STXBP5L: variants seen among roughly 807,000 people sequenced by gnomAD.
The protein encoded by STXBP5L is syntaxin binding protein 5L.
Under a neutral mutation model 144.5 loss-of-function variants are expected in STXBP5L, and 65 were observed. The observed-to-expected ratio is 0.45, with a 90% confidence interval of 0.37 to 0.55. The LOEUF is 0.55. Ranked by LOEUF, STXBP5L falls within the 20% of genes least tolerant of loss-of-function variation. The pLI is 0.00. For synonymous variants in STXBP5L, 505 were observed against 469.6 expected, an observed-to-expected ratio of 1.08 and a Z score of -0.97; for missense variants, 1,298 against 1,405.5, an observed-to-expected ratio of 0.92 and a Z score of 1.22.
At chr3:121,023,536 A>C (rs113793236) in intron 3 of STXBP5L, among the ~76,000 whole-genome samples, 3,014 of 152,266 alleles carry the variant, frequency 0.02, 52 homozygotes, top group Non-Finnish European at 0.031. Flanking sequence ...TATTGGTATA[A>C]AAATAGTTAT....
intron 19 of STXBP5L, among the ~76,000 whole-genome samples, chr3:121,313,478 C>T (rs1393280602): frequency 2.4e-5 from 2 of 81,778 alleles, no homozygotes; most frequent in African/African-American, 5.5e-5. Context: ...GGCGACTGGC[C>T]GGGCAGAGGG....
chr3:121,111,659 AGGTGTCT>A (rs1306266436), intron 5 of STXBP5L, among the ~76,000 whole-genome samples: 1 of 152,138 alleles, frequency 6.6e-6, no homozygotes, highest in African/African-American at 2.4e-5. Context: ...GTCCTAAATA[AGGTGTCT>A]GGTGACCCTT....
At chr3:121,282,465 A>G (rs2051093459) in intron 19 of STXBP5L, 3 of 699,756 alleles carry the variant, frequency 4.3e-6, no homozygotes, top group Non-Finnish European at 7.0e-6. Context: ...TTGTTTTGTT[A>G]TGGTGTGCAA....
intron 9 of STXBP5L, among the ~76,000 whole-genome samples, chr3:121,175,809 G>A (rs1456898916): frequency 2.0e-5 from 3 of 151,492 alleles, no homozygotes; most frequent in Non-Finnish European, 4.4e-5. Context: ...ACTACATGTT[G>A]TCTACAGGAA....
In STXBP5L at chr3:121,094,788, G is replaced by T. The variant is rs189778934; in HGVS notation, c.471-20137G>T. Reference sequence around the variant, plus strand: ...TCCATTTACATTGAAAGTTAATATTGTTATGTGTGAATTTGAACCTTTCAT... The same window carrying T: ...TCCATTTACATTGAAAGTTAATATTTTTATGTGTGAATTTGAACCTTTCAT... On this transcript the variant is annotated intron_variant, in intron 5 of 26. Transcript: ENST00000471454. Among the ~76,000 whole-genome samples, 8 of 151,898 alleles carry T rather than the reference G, an allele frequency of 5.3e-5. No homozygotes were observed. The East Asian group carries it at 1.4e-3, about 26-fold the overall frequency.
chr3:121,085,036 G>A (rs1247818414), intron 5 of STXBP5L, among the ~76,000 whole-genome samples: 1 of 151,824 alleles, frequency 6.6e-6, no homozygotes, highest in Non-Finnish European at 1.5e-5. Context: ...GTCTATTCAT[G>A]TTCTTTGCCC....
At chr3:121,192,192 G>A (rs1006301561) in intron 9 of STXBP5L, among the ~76,000 whole-genome samples, 9 of 152,146 alleles carry the variant, frequency 5.9e-5, no homozygotes, top group Admixed American at 5.2e-4. Context: ...CAGACAGAGA[G>A]CCAAATTATG....
At chr3:121,312,197 A>G (rs1167473812) in intron 19 of STXBP5L, among the ~76,000 whole-genome samples, 1 of 152,074 alleles carries the variant, frequency 6.6e-6, no homozygotes, top group Admixed American at 6.6e-5. Context: ...TTAATTCAAG[A>G]TGGATTAAAG....
chr3:121,217,880 A>G (rs965089500), intron 10 of STXBP5L, among the ~76,000 whole-genome samples: 4 of 151,332 alleles, frequency 2.6e-5, no homozygotes, highest in Admixed American at 6.6e-5. Flanking sequence ...CGTCTATTTT[A>G]TTGCTTGGAG....
chr3:121,089,569 G>A (rs1002759407), intron 5 of STXBP5L, among the ~76,000 whole-genome samples: 1 of 151,340 alleles, frequency 6.6e-6, no homozygotes. Flanking sequence ...CAGATAATTG[G>A]CTGTGATTTG....
At chr3:121,165,809 T>C (rs2046476507) in intron 9 of STXBP5L, among the ~76,000 whole-genome samples, 1 of 152,124 alleles carries the variant, frequency 6.6e-6, no homozygotes, top group South Asian at 2.1e-4. Flanking sequence ...CCAGTGTGCA[T>C]TCCTCCCAGT....
At chr3:121,167,355 A>T (rs1027188519) in intron 9 of STXBP5L, among the ~76,000 whole-genome samples, 1 of 152,228 alleles carries the variant, frequency 6.6e-6, no homozygotes, top group African/African-American at 2.4e-5. Context: ...TCATATAAAG[A>T]TGGTATAAAA....
chr3:121,057,633 C>G lies in STXBP5L; in HGVS notation c.470+12098C>G, dbSNP rs1948552736. ...TCAGCACTGTATTTATGAGTTCCATCCATGTGGCATTTAGCTGTAGTTTAT... is the reference window on the plus strand; with the variant it reads ...TCAGCACTGTATTTATGAGTTCCATGCATGTGGCATTTAGCTGTAGTTTAT... On this transcript the variant is annotated intron_variant, in intron 5 of 26. Coordinates refer to ENST00000471454, the MANE Select transcript of STXBP5L (RefSeq NM_001308330.2). Among the ~76,000 whole-genome samples, 7 of 152,022 alleles carry G rather than the reference C, an allele frequency of 4.6e-5. No homozygotes were observed. The South Asian group carries it at 1.2e-3, about 27-fold the overall frequency.
At chr3:121,302,056 C>T (rs189306646) in intron 19 of STXBP5L, among the ~76,000 whole-genome samples, 29 of 152,244 alleles carry the variant, frequency 1.9e-4, no homozygotes, top group South Asian at 6.2e-4. Flanking sequence ...TGATGCTGGC[C>T]GCATAAAATG....
At chr3:121,364,224 C>G in intron 20 of STXBP5L, among the ~76,000 whole-genome samples, 1 of 152,138 alleles carries the variant, frequency 6.6e-6, no homozygotes, top group East Asian at 1.9e-4. Context: ...TTTCTTAACT[C>G]AATGGGCTCA....
chr3:121,419,259 C>A lies in STXBP5L; in HGVS notation c.*162C>A. ...AAAGAGATGTATCAGAGACACTGTG[C>A]AACCCAAAGGCTGGAGCCCTGGTTA... On this transcript the variant is annotated 3_prime_UTR_variant, in exon 27 of 27. Transcript: ENST00000471454. 2 of 675,950 alleles carry A rather than the reference C, an allele frequency of 3.0e-6. No individual in the cohort carries two copies. Among genetic ancestry groups the A allele is most frequent in the South Asian group, 2.6e-5 (1 of 38,226 alleles). The allele number at this position is 675,950 out of a possible 1,614,324, so 41.9% of individuals were successfully genotyped here.
intron 19 of STXBP5L, among the ~76,000 whole-genome samples, chr3:121,315,223 T>G (rs1283247726): frequency 7.2e-5 from 11 of 152,056 alleles, no homozygotes; most frequent in Non-Finnish European, 1.5e-4. Flanking sequence ...TAGCAAAGAC[T>G]TGGAACCAAC....
chr3:121,323,034 G>A (rs1034039879), intron 20 of STXBP5L, among the ~76,000 whole-genome samples: 1 of 152,036 alleles, frequency 6.6e-6, no homozygotes, highest in Non-Finnish European at 1.5e-5. Context: ...TACTCTTAAT[G>A]GAGTTATTTG....
At chr3:121,046,337 C>A (rs866050696) in intron 5 of STXBP5L, among the ~76,000 whole-genome samples, 1 of 151,888 alleles carries the variant, frequency 6.6e-6, no homozygotes, top group Non-Finnish European at 1.5e-5. Flanking sequence ...TGTTGTATTT[C>A]TGCCAGGTTT....
Sources: gnomAD v4.1 joint callset for allele counts (sites outside exome capture counted in the v4.1 genomes callset) on GRCh38, gnomAD v4.1.1 for gene constraint, MANE v1.5 for transcripts, NCBI Gene and HGNC (gene_info 2026-07-23, HGNC 2026-07-21) for gene names.